Variants in PPM1H observed in about 807,000 individuals in gnomAD.
The protein encoded by PPM1H is protein phosphatase, Mg2+/Mn2+ dependent 1H, also known as protein phosphatase 1H.
PPM1H carries 27 observed loss-of-function variants against 54.9 expected under a neutral mutation model. The observed-to-expected ratio is 0.49, with a 90% confidence interval of 0.36 to 0.68. PPM1H has a LOEUF of 0.68. Ranked by LOEUF, PPM1H falls within the 30% of genes least tolerant of loss-of-function variation. The pLI is 0.00. For synonymous variants in PPM1H, 305 were observed against 270.8 expected, an observed-to-expected ratio of 1.13 and a Z score of -1.24; for missense variants, 596 against 667.8, an observed-to-expected ratio of 0.89 and a Z score of 1.19.
intron 4 of PPM1H, chr12:62,755,690 G>A (rs1167682370): frequency 4.4e-6 from 3 of 675,026 alleles, no homozygotes; most frequent in Non-Finnish European, 8.0e-6. Context: ...ATCACCAACT[G>A]CTTAGTGCCT....
At chr12:62,811,739 C>T (rs1385803583) in intron 2 of PPM1H, among the ~76,000 whole-genome samples, 1 of 152,148 alleles carries the variant, frequency 6.6e-6, no homozygotes, top group Non-Finnish European at 1.5e-5. Context: ...CTCCTTTCCG[C>T]CACCATGTGA....
chr12:62,788,025 A>G (rs564380363), intron 4 of PPM1H, among the ~76,000 whole-genome samples: 1 of 152,376 alleles, frequency 6.6e-6, no homozygotes, highest in Non-Finnish European at 1.5e-5. Context: ...GATTTATCAC[A>G]GACGTGTACA....
rs1462227862 is a variant in PPM1H, at chr12:62,831,697, T to TCG, written c.411+416_411+417insCG. 3.6e-3 allele frequency among the ~76,000 whole-genome samples: 543 copies of TCG among 149,578 alleles called. 5 individuals carry two copies. Among genetic ancestry groups the TCG allele is most frequent in the African/African-American group, 0.013 (521 of 40,110 alleles). On this transcript the variant is annotated intron_variant, in intron 2 of 9. Coordinates refer to ENST00000228705, the MANE Select transcript of PPM1H (RefSeq NM_020700.2). ...GTGGCTCCTTTGAAACCGTCAAACA[T>TCG]TGTGTGTGTATGTGTGTGTGTGTGT...
intron 1 of PPM1H, among the ~76,000 whole-genome samples, chr12:62,896,055 A>G (rs1870976683): frequency 6.6e-6 from 1 of 152,252 alleles, no homozygotes; most frequent in Non-Finnish European, 1.5e-5. Flanking sequence ...CATTTCTATT[A>G]TCAGCTACAT....
chr12:62,764,198 A>ACAG (rs34564973), intron 4 of PPM1H, among the ~76,000 whole-genome samples: 84,296 of 151,778 alleles, frequency 0.56, 23,696 homozygotes, highest in Middle Eastern at 0.64. Context: ...CCCAGAAGAG[A>ACAG]TGCACCCAGA....
chr12:62,654,217 CA>C (rs57812590), intron 9 of PPM1H, among the ~76,000 whole-genome samples: 18,616 of 63,404 alleles, frequency 0.29, 1,079 homozygotes, highest in Admixed American at 0.42. Context: ...GACTCTTTCT[CA>C]AAAAAAAAAA....
At chr12:62,655,230 G>A (rs1358764244) in intron 9 of PPM1H, among the ~76,000 whole-genome samples, 1 of 152,164 alleles carries the variant, frequency 6.6e-6, no homozygotes, top group Non-Finnish European at 1.5e-5. Flanking sequence ...GGCCTTTTGT[G>A]TCAGCTAGCT....
intron 1 of PPM1H, among the ~76,000 whole-genome samples, chr12:62,888,973 G>T (rs1870687613): frequency 6.6e-6 from 1 of 152,110 alleles, no homozygotes; most frequent in African/African-American, 2.4e-5. Context: ...CATAAAGGAG[G>T]GTTTGTGGTA....
intron 5 of PPM1H, among the ~76,000 whole-genome samples, chr12:62,736,505 C>G (rs2076350266): frequency 6.6e-6 from 1 of 152,132 alleles, no homozygotes; most frequent in Non-Finnish European, 1.5e-5. Context: ...TTCCTGCTGT[C>G]TTATACACCA....
At chr12:62,914,125 C>T (rs952277971) in intron 1 of PPM1H, among the ~76,000 whole-genome samples, 3 of 152,138 alleles carry the variant, frequency 2.0e-5, no homozygotes, top group East Asian at 1.9e-4. Flanking sequence ...GTTTGGGTCA[C>T]GGAGTCAAAT....
chr12:62,761,439 G>A (rs138795153), intron 4 of PPM1H, among the ~76,000 whole-genome samples: 2 of 152,270 alleles, frequency 1.3e-5, no homozygotes, highest in African/African-American at 4.8e-5. Context: ...GGAGATTATA[G>A]GCAATTTTTC....
chr12:62,868,950 C>A (rs529561710), intron 1 of PPM1H, among the ~76,000 whole-genome samples: 1 of 152,188 alleles, frequency 6.6e-6, no homozygotes, highest in Admixed American at 6.5e-5. Flanking sequence ...TGGATAAAAA[C>A]CAGGTGTAAA....
chr12:62,654,137 A>C (rs543230329), intron 9 of PPM1H, among the ~76,000 whole-genome samples: 57 of 136,388 alleles, frequency 4.2e-4, no homozygotes, highest in Middle Eastern at 4.4e-3. Context: ...CGGGAGGCTG[A>C]GGTGGGAAGA....
At position 62,735,508 on chromosome 12, in the gene PPM1H, G is replaced by A. The variant is rs180829243; in HGVS notation, c.954+1994C>T. Among the ~76,000 whole-genome samples the A allele has an allele frequency of 7.6e-4, 116 of 152,212 alleles. 1 individual carries two copies. The highest frequency in any genetic ancestry group is 3.4e-3 in the Middle Eastern group (1 of 294). On this transcript the variant is annotated intron_variant, in intron 5 of 9. Coordinates refer to ENST00000228705, the MANE Select transcript of PPM1H (RefSeq NM_020700.2). ...GCTGGGATTACAGGCATGAGCCACC[G>A]TGCCCAGCCTGTTTTTAAATCTTTC...
intron 5 of PPM1H, among the ~76,000 whole-genome samples, chr12:62,723,501 G>A (rs1029525066): frequency 1.3e-5 from 2 of 152,130 alleles, no homozygotes; most frequent in Non-Finnish European, 2.9e-5. Context: ...AGGTGTTTAG[G>A]CCATGAAGGT....
intron 1 of PPM1H, among the ~76,000 whole-genome samples, chr12:62,875,991 C>T (rs888891800): frequency 9.9e-5 from 15 of 152,162 alleles, no homozygotes; most frequent in African/African-American, 3.6e-4. Flanking sequence ...CTGGCTCAAG[C>T]CTTGCCAAAG....
At chr12:62,850,632 T>C (rs961286291) in intron 1 of PPM1H, 8 of 148,898 alleles carry the variant, frequency 5.4e-5, no homozygotes, top group South Asian at 2.1e-4. Flanking sequence ...TATGTATATA[T>C]GGATATATAA....
At chr12:62,776,710 T>A (rs1198184551) in intron 4 of PPM1H, among the ~76,000 whole-genome samples, 1 of 152,130 alleles carries the variant, frequency 6.6e-6, no homozygotes, top group East Asian at 1.9e-4. Context: ...ATTTCAACAC[T>A]CTACCTCCCA....
chr12:62,714,316 C>G (rs2076224310), intron 6 of PPM1H, among the ~76,000 whole-genome samples: 1 of 152,156 alleles, frequency 6.6e-6, no homozygotes, highest in South Asian at 2.1e-4. Flanking sequence ...CTCTTTGCCT[C>G]AATAAAAGTA....
Sources: allele counts gnomAD v4.1 joint callset (sites outside exome capture counted in the v4.1 genomes callset), GRCh38; gene constraint gnomAD v4.1.1; transcripts MANE v1.5; gene names NCBI Gene and HGNC (gene_info 2026-07-23, HGNC 2026-07-21).